Variants in DGKB observed in about 807,000 individuals in gnomAD.
The protein encoded by DGKB is 90 kDa diacylglycerol kinase.
A neutral mutation model predicts 114.3 loss-of-function variants in DGKB; 67 were observed. That is an observed-to-expected ratio of 0.59 (90% CI 0.48 to 0.72). The LOEUF is 0.72. Ranked by LOEUF, DGKB falls within the 30% of genes least tolerant of loss-of-function variation. DGKB has a pLI of 0.00. For missense variants in DGKB, 907 were observed against 975.2 expected (o/e 0.93, Z 0.93); for synonymous variants, 398 against 323.1 (o/e 1.23, Z -2.49).
chr7:14,416,730 C>G (rs917846445), intron 21 of DGKB, among the ~76,000 whole-genome samples: 44 of 152,122 alleles, frequency 2.9e-4, no homozygotes, highest in Non-Finnish European at 5.9e-5. Flanking sequence ...GTCCATTAAA[C>G]CTCTTTTTCT....
At chr7:14,521,477 G>A (rs1789757801) in intron 20 of DGKB, among the ~76,000 whole-genome samples, 1 of 152,096 alleles carries the variant, frequency 6.6e-6, no homozygotes, top group Admixed American at 6.6e-5. Context: ...ATTACATCAA[G>A]TTTGAGAAAC....
At chr7:14,389,523 AC>A (rs1473775667) in intron 21 of DGKB, among the ~76,000 whole-genome samples, 3 of 152,212 alleles carry the variant, frequency 2.0e-5, no homozygotes, top group Non-Finnish European at 2.9e-5. Flanking sequence ...TTGATTTGCA[AC>A]AAAGTCTTTC....
intron 25 of DGKB, among the ~76,000 whole-genome samples, chr7:14,173,473 CATTA>C (rs1389865751): frequency 1.3e-5 from 2 of 152,130 alleles, no homozygotes; most frequent in African/African-American, 2.4e-5. Flanking sequence ...GATATTTAAG[CATTA>C]ATTGATATTT....
intron 2 of DGKB, among the ~76,000 whole-genome samples, chr7:14,819,204 T>C (rs1844571468): frequency 6.6e-6 from 1 of 152,182 alleles, no homozygotes. Flanking sequence ...TGCTGGATAA[T>C]TGGGACATAG....
chr7:14,212,994 T>C (rs1287979023), intron 23 of DGKB, among the ~76,000 whole-genome samples: 1 of 152,104 alleles, frequency 6.6e-6, no homozygotes. Context: ...GGCATCTTTC[T>C]TTACACAGAG....
chr7:14,902,163 A>T (rs577964796), intron 1 of DGKB, among the ~76,000 whole-genome samples: 38 of 152,312 alleles, frequency 2.5e-4, no homozygotes, highest in African/African-American at 8.9e-4. Context: ...TTGCTTGTTT[A>T]GTTCACAGAT....
intron 1 of DGKB, among the ~76,000 whole-genome samples, chr7:14,960,957 A>G (rs1478940334): frequency 6.6e-6 from 1 of 152,120 alleles, no homozygotes; most frequent in African/African-American, 2.4e-5. Flanking sequence ...ATCAGAGAAC[A>G]TGACATCTCA....
At chr7:14,858,174 C>A (rs1850455636) in intron 1 of DGKB, among the ~76,000 whole-genome samples, 1 of 152,072 alleles carries the variant, frequency 6.6e-6, no homozygotes, top group African/African-American at 2.4e-5. Flanking sequence ...TACCCTGGAA[C>A]CAATTTTAGG....
intron 21 of DGKB, among the ~76,000 whole-genome samples, chr7:14,431,214 T>C (rs1480363217): frequency 2.0e-5 from 3 of 151,596 alleles, no homozygotes; most frequent in Non-Finnish European, 4.4e-5. Flanking sequence ...GGAAGCTGGA[T>C]CATCATGACC....
intron 1 of DGKB, among the ~76,000 whole-genome samples, chr7:14,910,950 C>A (rs979418938): frequency 2.0e-5 from 3 of 151,932 alleles, no homozygotes; most frequent in African/African-American, 7.3e-5. Context: ...CAAATTCAAG[C>A]TTTCTTTCAT....
At chr7:14,297,937 A>G (rs113094573) in intron 23 of DGKB, among the ~76,000 whole-genome samples, 1 of 152,218 alleles carries the variant, frequency 6.6e-6, no homozygotes, top group Non-Finnish European at 1.5e-5. Flanking sequence ...CCAAATCATG[A>G]GTTAACTCCC....
intron 2 of DGKB, among the ~76,000 whole-genome samples, chr7:14,802,490 T>A (rs1397587806): frequency 1.3e-5 from 2 of 152,204 alleles, no homozygotes; most frequent in East Asian, 3.8e-4. Context: ...GTATTATTTT[T>A]AATTTCTGCA....
chr7:14,753,395 AT>A (rs2128439149), intron 4 of DGKB, among the ~76,000 whole-genome samples: 1 of 152,242 alleles, frequency 6.6e-6, no homozygotes, highest in East Asian at 1.9e-4. Context: ...TACAAAACAG[AT>A]TTTCAGGGAG....
At chr7:14,636,755 A>C (rs930844961) in intron 13 of DGKB, among the ~76,000 whole-genome samples, 5 of 151,928 alleles carry the variant, frequency 3.3e-5, no homozygotes, top group African/African-American at 9.7e-5. Context: ...CCACAACCTT[A>C]TATTACAAAT....
At chr7:14,730,614 G>C (rs1342195956) in intron 5 of DGKB, among the ~76,000 whole-genome samples, 1 of 152,162 alleles carries the variant, frequency 6.6e-6, no homozygotes, top group East Asian at 1.9e-4. Context: ...TAGGGCTGTA[G>C]GCAGATGCTA....
chr7:14,266,808 T>C (rs1233157062), intron 23 of DGKB, among the ~76,000 whole-genome samples: 1 of 152,218 alleles, frequency 6.6e-6, no homozygotes, highest in Non-Finnish European at 1.5e-5. Flanking sequence ...CTGTTTATTT[T>C]AATATAACCT....
chr7:14,348,828 C>T (rs894539846), intron 21 of DGKB, among the ~76,000 whole-genome samples: 10 of 151,578 alleles, frequency 6.6e-5, no homozygotes, highest in Admixed American at 5.9e-4. Context: ...TAGTAGAAGG[C>T]AAGCAGAGAA....
chr7:14,272,722 T>G (rs189682058), intron 23 of DGKB, among the ~76,000 whole-genome samples: 5 of 152,292 alleles, frequency 3.3e-5, no homozygotes, highest in African/African-American at 7.2e-5. Flanking sequence ...GTGAATCCCG[T>G]AAGAACTAGG....
intron 23 of DGKB, among the ~76,000 whole-genome samples, chr7:14,261,294 T>TAAC: frequency 6.6e-6 from 1 of 151,980 alleles, no homozygotes; most frequent in East Asian, 1.9e-4. Flanking sequence ...AGAAATAAAA[T>TAAC]AACTAGTGTT....
Sources: allele counts gnomAD v4.1 joint callset (sites outside exome capture counted in the v4.1 genomes callset), GRCh38; gene constraint gnomAD v4.1.1; transcripts MANE v1.5; gene names NCBI Gene and HGNC (gene_info 2026-07-23, HGNC 2026-07-21).